Variants in LRRC20 observed in about 807,000 individuals in gnomAD.
The protein encoded by LRRC20 is leucine-rich repeat-containing protein 20.
Under a neutral mutation model 14.4 loss-of-function variants are expected in LRRC20, and 11 were observed. That is an observed-to-expected ratio of 0.77 (90% confidence interval 0.48 to 1.27). LRRC20 has a LOEUF of 1.27. Ranked by LOEUF, LRRC20 falls within the 50% of genes most tolerant of loss-of-function variation. LRRC20 has a pLI of 0.00. For missense variants in LRRC20, 219 were observed against 251.2 expected, an observed-to-expected ratio of 0.87 and a Z score of 0.87; for synonymous variants, 121 against 107.3, an observed-to-expected ratio of 1.13 and a Z score of -0.79.
At chr10:70,340,856 C>G (rs1287471340) in intron 2 of LRRC20, among the ~76,000 whole-genome samples, 154 bp from the exon 3 acceptor site, 2 of 152,288 alleles carry the variant, frequency 1.3e-5, no homozygotes, top group East Asian at 3.9e-4. Context: ...CCTGCCCTCC[C>G]TCTTCCAGGA....
chr10:70,366,186 G>A (rs1168941292), intron 2 of LRRC20, among the ~76,000 whole-genome samples: 1 of 152,102 alleles, frequency 6.6e-6, no homozygotes, highest in African/African-American at 2.4e-5. Context: ...ACTTTGGGAG[G>A]CTGAGGCAGG....
chr10:70,304,475 T>TAG (rs1473965613), intron 4 of LRRC20, among the ~76,000 whole-genome samples: 9 of 14,998 alleles, frequency 6.0e-4, no homozygotes, highest in African/African-American at 2.8e-3. Flanking sequence ...CTTCTTTATA[T>TAG]ATATATATAT....
intron 2 of LRRC20, among the ~76,000 whole-genome samples, chr10:70,362,436 C>T (rs1229755626): frequency 6.6e-6 from 1 of 152,346 alleles, no homozygotes; most frequent in East Asian, 1.9e-4. Flanking sequence ...TTGGGTTTTA[C>T]TCATTGTGTA....
At chr10:70,328,359 T>C (rs12356619) in intron 3 of LRRC20, among the ~76,000 whole-genome samples, 82,783 of 151,376 alleles carry the variant, frequency 0.55, 22,775 homozygotes, top group African/African-American at 0.59. Context: ...TGCAGTGGTG[T>C]GATCTTGGCT....
At chr10:70,379,096 A>T (rs1388591940) in intron 1 of LRRC20, among the ~76,000 whole-genome samples, 1 of 152,238 alleles carries the variant, frequency 6.6e-6, no homozygotes, top group African/African-American at 2.4e-5. Flanking sequence ...ATCAACAGAC[A>T]TCATTTGTGT....
chr10:70,339,023 T>C (rs1842816257), intron 3 of LRRC20, among the ~76,000 whole-genome samples: 2 of 152,176 alleles, frequency 1.3e-5, no homozygotes, highest in Admixed American at 6.5e-5. Flanking sequence ...CTGGGTCATA[T>C]GGTAACTCTG....
At chr10:70,317,041 C>G (rs775256693) in intron 4 of LRRC20, among the ~76,000 whole-genome samples, 1 of 152,232 alleles carries the variant, frequency 6.6e-6, no homozygotes, top group Non-Finnish European at 1.5e-5. Context: ...GGGGGCAATC[C>G]GAACTCCATG....
At chr10:70,351,807 G>C (rs945521060) in intron 2 of LRRC20, among the ~76,000 whole-genome samples, 4 of 152,134 alleles carry the variant, frequency 2.6e-5, no homozygotes, top group African/African-American at 9.7e-5. Flanking sequence ...AAATGTAATT[G>C]ATCGATCCTA....
intron 3 of LRRC20, among the ~76,000 whole-genome samples, chr10:70,334,853 C>G (rs1842666120): frequency 6.6e-6 from 1 of 152,144 alleles, no homozygotes; most frequent in Non-Finnish European, 1.5e-5. Flanking sequence ...AGCCTGGTGC[C>G]TCCCTCCTGA....
chr10:70,327,842 C>T (rs1040854537), intron 3 of LRRC20, among the ~76,000 whole-genome samples: 1 of 152,230 alleles, frequency 6.6e-6, no homozygotes, highest in African/African-American at 2.4e-5. Flanking sequence ...CAGAGCCTGA[C>T]TCCTCATCTC....
chr10:70,345,636 CA>C (rs951859848), intron 2 of LRRC20, among the ~76,000 whole-genome samples: 23 of 152,086 alleles, frequency 1.5e-4, no homozygotes, highest in African/African-American at 5.5e-4. Flanking sequence ...AAGATATTTA[CA>C]AAGGAAAAAA....
At chr10:70,348,196 A>C (rs187584837) in intron 2 of LRRC20, among the ~76,000 whole-genome samples, 60 of 152,308 alleles carry the variant, frequency 3.9e-4, no homozygotes, top group South Asian at 1.0e-3. Flanking sequence ...AAGGCAATCC[A>C]GGAGTTCCAC....
chr10:70,359,904 AT>A (rs202230706), intron 2 of LRRC20, among the ~76,000 whole-genome samples: 4 of 145,240 alleles, frequency 2.8e-5, no homozygotes, highest in Middle Eastern at 3.3e-3. Context: ...GTTCCACTGC[AT>A]TTTTTTTCTT....
rs553989419 is a variant in LRRC20 at position 70,302,860 on chromosome 10, G to A, written c.401-1352C>T. On this transcript the variant is annotated intron_variant, in intron 4 of 4. Coordinates refer to ENST00000446961, the MANE Select transcript of LRRC20 (RefSeq NM_001278212.2). ...CGTGTAGCTGGGACTACAGGCGCGC[G>A]CCACCATGCCCAGCTAATTTTTTGT... is the stretch of plus-strand genomic sequence containing the variant. 1.3e-4 allele frequency among the ~76,000 whole-genome samples: 20 copies of A among 152,056 alleles called. No individual in the cohort carries two copies. The East Asian group carries it at 2.5e-3, about 19-fold the overall frequency.
intron 2 of LRRC20, among the ~76,000 whole-genome samples, chr10:70,355,710 C>T (rs1200792411): frequency 1.3e-5 from 2 of 152,186 alleles, no homozygotes; most frequent in Non-Finnish European, 2.9e-5. Context: ...AAGAAAGGAA[C>T]ATCCCCAACA....
At chr10:70,304,501 TATATA>T (rs1841342054) in intron 4 of LRRC20, among the ~76,000 whole-genome samples, 1 of 129,838 alleles carries the variant, frequency 7.7e-6, no homozygotes, top group Admixed American at 7.5e-5. Flanking sequence ...TATATATATA[TATATA>T]TTTTACTAAG....
At position 70,363,825 on chromosome 10, in the gene LRRC20, G is replaced by A. The variant is rs1024858884; in HGVS notation, c.82+12627C>T. Among the ~76,000 whole-genome samples the A allele has an allele frequency of 9.8e-5, 6 of 61,258 alleles. No homozygotes were observed. In the Admixed American group the frequency reaches 1.0e-3, roughly 10 times the overall value. 40.2% of individuals were successfully genotyped at this position (61,258 alleles called of 152,430 possible). On this transcript the variant is annotated intron_variant, in intron 2 of 4. Coordinates refer to ENST00000446961, the MANE Select transcript of LRRC20 (RefSeq NM_001278212.2). ...AAGTCTAGAGGTGGCATGCTAGGCA[G>A]AAGGCTCCAAGTCAACCCCCAACAC... is the stretch of plus-strand genomic sequence containing the variant.
intron 2 of LRRC20, among the ~76,000 whole-genome samples, chr10:70,351,480 C>T (rs548130152): frequency 2.0e-5 from 3 of 152,290 alleles, no homozygotes; most frequent in South Asian, 4.1e-4. Context: ...AGTTCTTTAA[C>T]GAACTGTATT....
At chr10:70,322,484 G>A (rs535271215) in intron 4 of LRRC20, among the ~76,000 whole-genome samples, 14 of 152,328 alleles carry the variant, frequency 9.2e-5, no homozygotes, top group East Asian at 3.9e-4. Flanking sequence ...AGGACAGCAC[G>A]GGAGGGAGAG....
Sources: allele counts gnomAD v4.1 joint callset (sites outside exome capture counted in the v4.1 genomes callset), GRCh38; gene constraint gnomAD v4.1.1; transcripts MANE v1.5; gene names NCBI Gene and HGNC (gene_info 2026-07-23, HGNC 2026-07-21).